DMD: variants seen among roughly 807,000 people sequenced by gnomAD.
DMD encodes dystrophin.
Under a neutral mutation model 330.1 loss-of-function variants are expected in DMD, and 63 were observed. The ratio of observed to expected loss-of-function variants is 0.19; its 90% CI spans 0.16 to 0.24. DMD has a LOEUF of 0.24. DMD is among the 10% of genes least tolerant of loss of function. The pLI is 1.00. For synonymous variants in DMD, 1,223 were observed against 959.8 expected, an observed-to-expected ratio of 1.27 and a Z score of -5.07; for missense variants, 3,344 against 2,684.1, an observed-to-expected ratio of 1.25 and a Z score of -5.43.
At chrX:32,656,463 GTT>G (rs1195833004) in intron 9 of DMD, among the ~76,000 whole-genome samples, 1 of 112,016 alleles carries the variant, frequency 8.9e-6, no homozygotes, top group Non-Finnish European at 1.9e-5. Flanking sequence ...CCATCCTTGT[GTT>G]TTTGTTAGTG....
chrX:32,074,245 C>T (rs2096325040), intron 44 of DMD, among the ~76,000 whole-genome samples: 1 of 111,495 alleles, frequency 9.0e-6, no homozygotes, highest in Non-Finnish European at 1.9e-5. Flanking sequence ...AAAAGGAGAT[C>T]CTACATCCTT....
At chrX:32,837,170 GAAAC>G in intron 4 of DMD, among the ~76,000 whole-genome samples, 2 of 111,895 alleles carry the variant, frequency 1.8e-5, no homozygotes, top group Middle Eastern at 4.6e-3. Context: ...ATTTCGCACA[GAAAC>G]AAAACAGAAC....
At chrX:33,130,069 C>T (rs2095490230) in intron 1 of DMD, among the ~76,000 whole-genome samples, 1 of 111,240 alleles carries the variant, frequency 9.0e-6, no homozygotes, top group Admixed American at 9.6e-5. Flanking sequence ...TTTAGTTGGG[C>T]CAAAGTTAGA....
intron 29 of DMD, among the ~76,000 whole-genome samples, chrX:32,436,322 T>G (rs1353898457): frequency 1.8e-5 from 2 of 112,020 alleles, no homozygotes; most frequent in African/African-American, 6.5e-5. Context: ...TCTGTTTAAG[T>G]GACTGAGTGG....
intron 1 of DMD, among the ~76,000 whole-genome samples, chrX:33,279,659 C>G (rs1335132371): frequency 2.7e-5 from 3 of 111,258 alleles, no homozygotes; most frequent in East Asian, 5.8e-4. Context: ...TGTGGCTATA[C>G]CATTTAACAG....
intron 41 of DMD, 27 bp downstream of exon 41, chrX:32,342,073 T>G: frequency 2.5e-6 from 3 of 1,191,853 alleles, no homozygotes; most frequent in Non-Finnish European, 3.4e-6. Context: ...TGCAAACACA[T>G]ACGTGGGTTT....
At chrX:31,137,165 C>T (rs752109789) in intron 76 of DMD, among the ~76,000 whole-genome samples, 3 of 110,936 alleles carry the variant, frequency 2.7e-5, no homozygotes, top group East Asian at 5.6e-4. Flanking sequence ...ACTACAGGCG[C>T]GTGCCACCAC....
At chrX:32,465,206 T>C (rs1279677497) in intron 23 of DMD, among the ~76,000 whole-genome samples, 1 of 112,107 alleles carries the variant, frequency 8.9e-6, no homozygotes, top group Non-Finnish European at 1.9e-5. Flanking sequence ...GCTTTTGCTT[T>C]TATTTGTCTG....
In DMD at chrX:31,448,601, T is replaced by G. The variant is rs1397144353; in HGVS notation, c.8938-3974A>C. On this transcript the variant is annotated intron_variant, in intron 59 of 78. Transcript: ENST00000357033. ...CACCTAAAATGTCAAAAAGCACAGT[T>G]AACGCTGAGCAATACGAGGTGCTAT... Among the ~76,000 whole-genome samples the G allele has an allele frequency of 5.8e-4, 65 of 112,627 alleles. No homozygotes were observed. The Admixed American group carries it at 6.1e-3, about 11-fold the overall frequency.
At chrX:33,331,895 A>C (rs1249208285) in intron 1 of DMD, among the ~76,000 whole-genome samples, 1 of 111,837 alleles carries the variant, frequency 8.9e-6, no homozygotes, top group Non-Finnish European at 1.9e-5. Context: ...TATGTTTATA[A>C]TTTAAGTCAT....
intron 44 of DMD, among the ~76,000 whole-genome samples, chrX:32,025,405 A>G (rs894646334): frequency 8.9e-6 from 1 of 111,840 alleles, no homozygotes; most frequent in African/African-American, 3.2e-5. Flanking sequence ...TTAGTTCCTT[A>G]GTGTCCCTGG....
intron 1 of DMD, among the ~76,000 whole-genome samples, chrX:33,156,403 G>T (rs754323012): frequency 1.8e-5 from 2 of 111,762 alleles, no homozygotes; most frequent in South Asian, 7.5e-4. Context: ...ACTTCTTCAG[G>T]GCTCAAATAT....
chrX:31,705,668 C>T (rs1319148059), intron 52 of DMD, among the ~76,000 whole-genome samples: 1 of 112,327 alleles, frequency 8.9e-6, no homozygotes, highest in Non-Finnish European at 1.9e-5. Flanking sequence ...GAAAGTTGAC[C>T]CTTTCTCTAT....
intron 43 of DMD, among the ~76,000 whole-genome samples, chrX:32,234,421 A>T (rs1253968346): frequency 2.7e-5 from 3 of 111,633 alleles, no homozygotes; most frequent in East Asian, 2.8e-4. Context: ...AAGTTAGAAT[A>T]GTGGTTTGCA....
chrX:32,883,823 C>CAAAAAAAAAA (rs56150142), intron 2 of DMD, among the ~76,000 whole-genome samples: 26 of 30,335 alleles, frequency 8.6e-4, no homozygotes, highest in African/African-American at 3.3e-3. Context: ...GACTCTGTTT[C>CAAAAAAAAAA]AAAAAAAAAA....
intron 44 of DMD, among the ~76,000 whole-genome samples, chrX:32,013,165 C>T (rs1273033103): frequency 1.1e-5 from 1 of 88,595 alleles, no homozygotes; most frequent in Non-Finnish European, 2.1e-5. Flanking sequence ...TGGCTCACTG[C>T]AACCTCCACC....
chrX:31,874,092 ATAAGAAATCC>A (rs1260392047), intron 48 of DMD, among the ~76,000 whole-genome samples: 10 of 112,003 alleles, frequency 8.9e-5, no homozygotes, highest in Admixed American at 6.7e-4. Context: ...AAAAAGGTTT[ATAAGAAATCC>A]TAACAGGGAT....
intron 55 of DMD, among the ~76,000 whole-genome samples, chrX:31,507,917 A>C (rs1316284306): frequency 8.9e-6 from 1 of 111,961 alleles, no homozygotes; most frequent in Non-Finnish European, 1.9e-5. Context: ...TGGAGAGACT[A>C]ATAAACAAGA....
intron 2 of DMD, among the ~76,000 whole-genome samples, chrX:32,856,259 A>G (rs1603449353): frequency 9.0e-6 from 1 of 111,500 alleles, no homozygotes; most frequent in African/African-American, 3.3e-5. Context: ...AGGTTCTTCA[A>G]AAAAACTGAA....
Sources: allele counts gnomAD v4.1 joint callset (sites outside exome capture counted in the v4.1 genomes callset), GRCh38; gene constraint gnomAD v4.1.1; transcripts MANE v1.5; gene names NCBI Gene and HGNC (gene_info 2026-07-23, HGNC 2026-07-21).